Variants in OTOGL observed in about 807,000 individuals in gnomAD.
OTOGL encodes otogelin-like protein.
OTOGL carries 285 observed loss-of-function variants against 318.5 expected under a neutral mutation model. The observed-to-expected ratio is 0.89, with a 90% CI of 0.81 to 0.99. The LOEUF (loss-of-function observed/expected upper bound fraction) is 0.99, where lower values mean the gene tolerates loss of function less well. OTOGL is among the 50% of genes least tolerant of loss of function. OTOGL has a pLI of 0.00. For synonymous variants in OTOGL, 987 were observed against 936.5 expected, an observed-to-expected ratio of 1.05 and a Z score of -0.99; for missense variants, 2,899 against 2,845.6, an observed-to-expected ratio of 1.02 and a Z score of -0.43.
chr12:80,343,526 T>TTTTTTTTTTC (rs1888957239), intron 44 of OTOGL: 1 of 118,158 alleles, frequency 8.5e-6, no homozygotes, highest in African/African-American at 4.6e-5. Context: ...TTTTTTTTTT[T>TTTTTTTTTTC]TTTTTTTTTT....
intron 45 of OTOGL, 134 bp from the exon 46 acceptor site, chr12:80,353,191 G>C (rs1889661716): frequency 1.7e-6 from 1 of 590,082 alleles, no homozygotes; most frequent in South Asian, 4.8e-5. Flanking sequence ...TACAGAGTAA[G>C]TGAAAAATGG....
At chr12:80,243,768 A>G (rs1592596650) in intron 11 of OTOGL, among the ~76,000 whole-genome samples, 1 of 148,916 alleles carries the variant, frequency 6.7e-6, no homozygotes, top group East Asian at 1.9e-4. Context: ...TATATATATA[A>G]CAAATATATA....
At chr12:80,178,490 C>T (rs1186503890) in intron 1 of OTOGL, among the ~76,000 whole-genome samples, 1 of 152,170 alleles carries the variant, frequency 6.6e-6, no homozygotes, top group Non-Finnish European at 1.5e-5. Flanking sequence ...CTGTAGTTCT[C>T]TATTTTTTAG....
chr12:80,365,760 G>A (rs959960898), intron 52 of OTOGL, among the ~76,000 whole-genome samples: 1 of 152,080 alleles, frequency 6.6e-6, no homozygotes, highest in Non-Finnish European at 1.5e-5. Context: ...ATTAGCTTAT[G>A]AGGAAAAATG....
At position 80,305,700 on chromosome 12, in the gene OTOGL, G is replaced by A. The variant is rs1217019965; in HGVS notation, c.3333+5G>A. ...GATAGTTGGGCATTAGGACAGGTAAGTTACATAAATGTATTTTAGAAGTCA... is the reference window on the plus strand; with the variant it reads ...GATAGTTGGGCATTAGGACAGGTAAATTACATAAATGTATTTTAGAAGTCA... On this transcript the variant is annotated splice_donor_5th_base_variant and intron_variant, in intron 29 of 58. Coordinates refer to ENST00000547103, the MANE Select transcript of OTOGL (RefSeq NM_001378609.3). 3.3e-6 allele frequency: 5 copies of A among 1,514,772 alleles called. No individual in the cohort carries two copies. Among genetic ancestry groups the A allele is most frequent in the East Asian group, 2.3e-5 (1 of 42,606 alleles). The allele number at this position is 1,514,772 out of a possible 1,614,324, so 93.8% of individuals were successfully genotyped here.
At chr12:80,371,983 A>T in intron 56 of OTOGL, 36 bp from the exon 57 acceptor site, 1 of 1,400,184 alleles carries the variant, frequency 7.1e-7, no homozygotes, top group Non-Finnish European at 9.7e-7. Flanking sequence ...GAAGAACACC[A>T]TATTCTTTGA....
chr12:80,368,116 T>C (rs1229464604), intron 54 of OTOGL, 89 bp from the exon 55 acceptor site: 1 of 951,352 alleles, frequency 1.1e-6, no homozygotes, highest in Non-Finnish European at 1.6e-6. Context: ...GGAAAGAGCT[T>C]GTAGTTATGT....
chr12:80,219,797 T>C lies in OTOGL; in HGVS notation c.236-17T>C, dbSNP rs1289915937. On this transcript the variant is annotated splice_polypyrimidine_tract_variant and intron_variant, in intron 5 of 58. Coordinates refer to ENST00000547103, the MANE Select transcript of OTOGL (RefSeq NM_001378609.3). Reference sequence around the variant, plus strand: ...ATGGATGCCAGAAGATAACTTTTTTTTTTTTTTCCCCCTCAGGTTCTTGTC... The same window carrying C: ...ATGGATGCCAGAAGATAACTTTTTTCTTTTTTTCCCCCTCAGGTTCTTGTC... The C allele has an allele frequency of 6.7e-7, 1 of 1,499,586 alleles. No individual in the cohort carries two copies. The highest frequency in any genetic ancestry group is 9.1e-7 in the Non-Finnish European group (1 of 1,096,020). The allele number at this position is 1,499,586 out of a possible 1,614,324, so 92.9% of individuals were successfully genotyped here. A position where few individuals can be genotyped will look rare whatever the true frequency, so the allele number is the denominator to read the frequency against.
intron 1 of OTOGL, among the ~76,000 whole-genome samples, chr12:80,127,800 T>C (rs1196526320): frequency 1.3e-5 from 2 of 152,226 alleles, no homozygotes; most frequent in Non-Finnish European, 1.5e-5. Flanking sequence ...TGATCTTCCA[T>C]CACTGATACC....
chr12:80,201,072 C>T (rs912271400), intron 1 of OTOGL, among the ~76,000 whole-genome samples: 1 of 152,158 alleles, frequency 6.6e-6, no homozygotes, highest in Non-Finnish European at 1.5e-5. Flanking sequence ...TGGCACCTCC[C>T]ATCTGTTTTC....
At chr12:80,172,972 G>C (rs918196295) in intron 1 of OTOGL, among the ~76,000 whole-genome samples, 1 of 152,152 alleles carries the variant, frequency 6.6e-6, no homozygotes, top group Non-Finnish European at 1.5e-5. Context: ...AGGAAGAATA[G>C]CTAACAGATG....
chr12:80,307,498 C>G (rs1346485974), intron 29 of OTOGL, among the ~76,000 whole-genome samples: 1 of 149,836 alleles, frequency 6.7e-6, no homozygotes, highest in Non-Finnish European at 1.5e-5. Flanking sequence ...CTCCTCACTT[C>G]CCAGTAGGGG....
rs778746832 is a variant in OTOGL at position 80,352,377 on chromosome 12, A to G, written c.5348A>G (p.Tyr1783Cys). 3 of 1,612,614 alleles carry G rather than the reference A, an allele frequency of 1.9e-6. No individual in the cohort carries two copies. The highest frequency in any genetic ancestry group is 1.7e-4 in the Middle Eastern group (1 of 6,052). Reference protein sequence around the residue: ...WNYECDALSAYVALCNKFDIC... With the variant: ...WNYECDALSACVALCNKFDIC... ...TATGAATGTGATGCACTTTCTGCAT[A>G]TGTGGCTCTGTGCAACAAGTTTGAT... The change falls in exon 45 of 59, where the codon TAT becomes TGT. Residue 1783 changes from tyrosine (Y) to cysteine (C), a missense_variant. Transcript: ENST00000547103.
chr12:80,284,495 G>A (rs150533061), intron 26 of OTOGL, among the ~76,000 whole-genome samples: 4,898 of 152,098 alleles, frequency 0.032, 262 homozygotes, highest in African/African-American at 0.11. Context: ...ACTCCCACCA[G>A]CAGTGTAAAA....
chr12:80,215,900 G>A (rs1480695992), intron 4 of OTOGL, among the ~76,000 whole-genome samples: 1 of 152,180 alleles, frequency 6.6e-6, no homozygotes, highest in Non-Finnish European at 1.5e-5. Flanking sequence ...GAACAAAAAG[G>A]GGAGATTGAA....
At chr12:80,307,141 C>T (rs1203628641) in intron 29 of OTOGL, among the ~76,000 whole-genome samples, 1 of 151,176 alleles carries the variant, frequency 6.6e-6, no homozygotes, top group Non-Finnish European at 1.5e-5. Context: ...CACCGATCAA[C>T]AGGATCCCAA....
At chr12:80,127,925 C>G (rs923113227) in intron 1 of OTOGL, among the ~76,000 whole-genome samples, 13 of 152,158 alleles carry the variant, frequency 8.5e-5, no homozygotes, top group African/African-American at 2.7e-4. Context: ...ATTGGTTATT[C>G]TAGTTAGCCA....
rs1436834340 is a variant in OTOGL, at chr12:80,233,054, A to T, written c.774A>T (p.Gly258=). The T allele has an allele frequency of 6.3e-7, 1 of 1,598,274 alleles. No homozygotes were observed. ...AGGGGAAATCATGTGGCCTATGTGG[A>T]AACTACAATGACATTCAATCTGATG... ...DHKGKSCGLC[G]NYNDIQSDDF... Residue 258 remains glycine (G), a synonymous_variant, in exon 9 of 59, where the codon GGA becomes GGT. Coordinates refer to ENST00000547103, the MANE Select transcript of OTOGL (RefSeq NM_001378609.3).
intron 1 of OTOGL, among the ~76,000 whole-genome samples, chr12:80,114,432 A>C (rs1410009530): frequency 6.6e-6 from 1 of 152,164 alleles, no homozygotes; most frequent in African/African-American, 2.4e-5. Context: ...AGAACGTTGC[A>C]TATTAGCCCC....
Sources: gnomAD v4.1 joint callset for allele counts (sites outside exome capture counted in the v4.1 genomes callset) on GRCh38, gnomAD v4.1.1 for gene constraint, MANE v1.5 for transcripts, NCBI Gene and HGNC (gene_info 2026-07-23, HGNC 2026-07-21) for gene names.